EPB41L3: variants seen among roughly 807,000 people sequenced by gnomAD.
EPB41L3 encodes the protein band 4.1-like protein 3.
Under a neutral mutation model 127.1 loss-of-function variants are expected in EPB41L3, and 57 were observed. The ratio of observed to expected loss-of-function variants is 0.45; its 90% CI spans 0.36 to 0.56. EPB41L3 has a LOEUF of 0.56. EPB41L3 is among the 20% of genes least tolerant of loss of function. The probability of loss-of-function intolerance (pLI) is 0.00; values close to 1 mark genes in which losing one functional copy is unlikely to be tolerated. For missense variants in EPB41L3, 1,273 were observed against 1,372.2 expected (o/e 0.93, Z 1.14); for synonymous variants, 572 against 549.5 (o/e 1.04, Z -0.57).
chr18:5,591,082 G>A (rs2094481558), intron 3 of EPB41L3, among the ~76,000 whole-genome samples: 4 of 152,102 alleles, frequency 2.6e-5, no homozygotes, highest in Admixed American at 2.0e-4. Flanking sequence ...GTAAAAAGAT[G>A]TCTTAAAGAG....
chr18:5,599,876 T>A (rs1023351580), intron 3 of EPB41L3, among the ~76,000 whole-genome samples: 1 of 152,196 alleles, frequency 6.6e-6, no homozygotes, highest in African/African-American at 2.4e-5. Context: ...TTTAGAGACG[T>A]ATTTATATTC....
chr18:5,570,215 T>C (rs1182838421), intron 3 of EPB41L3: 1 of 152,062 alleles, frequency 6.6e-6, no homozygotes, highest in African/African-American at 2.4e-5. Context: ...TCAAATCAAA[T>C]AGGTAAGCTT....
chr18:5,405,248 T>A (rs1461946095), intron 16 of EPB41L3, among the ~76,000 whole-genome samples: 1 of 152,230 alleles, frequency 6.6e-6, no homozygotes, highest in Non-Finnish European at 1.5e-5. Flanking sequence ...TATAGACCAC[T>A]GTTTAAAGAA....
At chr18:5,501,006 A>G (rs369137331) in intron 1 of EPB41L3, among the ~76,000 whole-genome samples, 1 of 152,136 alleles carries the variant, frequency 6.6e-6, no homozygotes, top group African/African-American at 2.4e-5. Context: ...GGGAGTAGGA[A>G]CTTTTAGGGA....
chr18:5,490,989 G>A (rs1255400789), intron 1 of EPB41L3, among the ~76,000 whole-genome samples: 1 of 152,188 alleles, frequency 6.6e-6, no homozygotes, highest in African/African-American at 2.4e-5. Flanking sequence ...CCGGAAATAT[G>A]CTCTCTGGAA....
At chr18:5,599,914 A>T (rs2094573162) in intron 3 of EPB41L3, among the ~76,000 whole-genome samples, 1 of 152,192 alleles carries the variant, frequency 6.6e-6, no homozygotes, top group Non-Finnish European at 1.5e-5. Context: ...GGCAACAGAT[A>T]TAAGCACCAG....
intron 10 of EPB41L3, 99 bp downstream of exon 10, chr18:5,424,163 A>C (rs1265178949): frequency 2.6e-5 from 21 of 808,200 alleles, no homozygotes; most frequent in Non-Finnish European, 3.9e-5. Flanking sequence ...ACTTGAAGGG[A>C]TAGAAAGAAT....
At chr18:5,559,030 G>A (rs1484597323) in intron 3 of EPB41L3, among the ~76,000 whole-genome samples, 1 of 152,052 alleles carries the variant, frequency 6.6e-6, no homozygotes, top group East Asian at 1.9e-4. Context: ...GAAGTGTCCA[G>A]GACCATTTCT....
At chr18:5,547,144 A>G (rs1253546387), upstream of EPB41L3, among the ~76,000 whole-genome samples, 12 of 152,228 alleles carry the variant, frequency 7.9e-5, no homozygotes, top group Non-Finnish European at 2.9e-5. Flanking sequence ...GAAGGAACAT[A>G]AAGTAGAAAG....
At chr18:5,447,263 CTAT>C (rs753563816) in intron 3 of EPB41L3, among the ~76,000 whole-genome samples, 16 of 152,188 alleles carry the variant, frequency 1.1e-4, no homozygotes, top group Middle Eastern at 3.4e-3. Context: ...TAGATGTCAG[CTAT>C]TATTATAGCC....
In EPB41L3 at chr18:5,396,345, G is replaced by A. The variant is rs779642049; in HGVS notation, c.2842-13C>T. 3.1e-6 allele frequency: 5 copies of A among 1,613,968 alleles called. No individual in the cohort carries two copies. Among genetic ancestry groups the A allele is most frequent in the South Asian group, 2.2e-5 (2 of 91,074 alleles). On this transcript the variant is annotated splice_polypyrimidine_tract_variant and intron_variant, in intron 18 of 22. Transcript: ENST00000341928. Reference sequence around the variant, plus strand: ...TCACCGTTGAGGACTGTGCCAAAGGGGAGTAAGCAGAGTGGCTGTTATAGT... The same window carrying A: ...TCACCGTTGAGGACTGTGCCAAAGGAGAGTAAGCAGAGTGGCTGTTATAGT...
At position 5,438,658 on chromosome 18, in the gene EPB41L3, A is replaced by G. The variant is rs557364317; in HGVS notation, c.530-548T>C. On this transcript the variant is annotated intron_variant, in intron 5 of 22. Coordinates refer to ENST00000341928, the MANE Select transcript of EPB41L3 (RefSeq NM_012307.5). ...AAGTGGGCTGCTCTGTGGGCTGTTG[A>G]AAATTATTTTCTTGCTCAGGGAAAT... Among the ~76,000 whole-genome samples the G allele has an allele frequency of 1.5e-3, 226 of 152,332 alleles. 3 individuals are homozygous for G. The highest frequency in any genetic ancestry group is 5.3e-3 in the African/African-American group (220 of 41,586).
At chr18:5,459,046 C>T (rs1283600072) in intron 3 of EPB41L3, among the ~76,000 whole-genome samples, 1 of 152,118 alleles carries the variant, frequency 6.6e-6, no homozygotes, top group Non-Finnish European at 1.5e-5. Context: ...CACATCCTTG[C>T]AGGAGGGTGA....
intron 1 of EPB41L3, among the ~76,000 whole-genome samples, chr18:5,517,393 G>A (rs1278765111): frequency 1.3e-5 from 2 of 151,988 alleles, no homozygotes; most frequent in African/African-American, 2.4e-5. Flanking sequence ...GCACAAATAT[G>A]TATACAACCC....
At chr18:5,519,666 A>G (rs563105692) in intron 1 of EPB41L3, among the ~76,000 whole-genome samples, 25 of 152,348 alleles carry the variant, frequency 1.6e-4, no homozygotes, top group African/African-American at 5.5e-4. Context: ...GAGTGACTAC[A>G]GAGCCTCTGC....
intron 1 of EPB41L3, among the ~76,000 whole-genome samples, chr18:5,540,841 T>C (rs990853274): frequency 3.3e-5 from 5 of 151,902 alleles, no homozygotes; most frequent in Non-Finnish European, 7.4e-5. Flanking sequence ...TCCCAGCACT[T>C]TGGGAGGCCG....
chr18:5,456,915 C>T (rs553845023), intron 3 of EPB41L3, among the ~76,000 whole-genome samples: 4 of 152,338 alleles, frequency 2.6e-5, no homozygotes, highest in African/African-American at 9.6e-5. Flanking sequence ...GTCTTCTGGG[C>T]TCAGCCCAGT....
At chr18:5,442,618 T>C (rs1391293154) in intron 5 of EPB41L3, among the ~76,000 whole-genome samples, 1 of 152,238 alleles carries the variant, frequency 6.6e-6, no homozygotes, top group African/African-American at 2.4e-5. Flanking sequence ...GAAATGGGAA[T>C]GATGTTCTTA....
chr18:5,519,869 G>A (rs1406305740), intron 1 of EPB41L3, among the ~76,000 whole-genome samples: 1 of 152,110 alleles, frequency 6.6e-6, no homozygotes, highest in Non-Finnish European at 1.5e-5. Context: ...AGTTTTCAAG[G>A]AAATCACTAG....
Sources: allele counts gnomAD v4.1 joint callset (sites outside exome capture counted in the v4.1 genomes callset), GRCh38; gene constraint gnomAD v4.1.1; transcripts MANE v1.5; gene names NCBI Gene and HGNC (gene_info 2026-07-23, HGNC 2026-07-21).